TIAM1: variants seen among roughly 807,000 people sequenced by gnomAD.
TIAM1 encodes the protein rho guanine nucleotide exchange factor TIAM1.
TIAM1 carries 65 observed loss-of-function variants against 163.5 expected under a neutral mutation model. That is an observed-to-expected ratio of 0.40 (90% CI 0.33 to 0.49). The LOEUF (loss-of-function observed/expected upper bound fraction) is 0.49. Ranked by LOEUF, TIAM1 falls within the 20% of genes least tolerant of loss-of-function variation. The pLI, the probability that TIAM1 is intolerant of heterozygous loss-of-function variation, is 0.77. For missense variants in TIAM1, 1,789 were observed against 2,044.7 expected (o/e 0.87, Z 2.41); for synonymous variants, 833 against 810.1 (o/e 1.03, Z -0.48).
At chr21:31,434,335 C>T in intron 2 of TIAM1, among the ~76,000 whole-genome samples, 1 of 152,124 alleles carries the variant, frequency 6.6e-6, no homozygotes, top group East Asian at 1.9e-4. Context: ...AACAGATGAG[C>T]ATTACGATCT....
At chr21:31,427,462 G>A (rs565167886) in intron 2 of TIAM1, among the ~76,000 whole-genome samples, 47 of 151,938 alleles carry the variant, frequency 3.1e-4, no homozygotes, top group African/African-American at 1.1e-3. Context: ...ACTCCAGCCT[G>A]GGGGACAGAG....
At chr21:31,367,684 A>G (rs902914534) in intron 2 of TIAM1, among the ~76,000 whole-genome samples, 4 of 152,186 alleles carry the variant, frequency 2.6e-5, no homozygotes, top group African/African-American at 4.8e-5. Context: ...GTTTATCAGC[A>G]AAAGCAGCAA....
At chr21:31,488,043 G>T (rs79307251) in intron 1 of TIAM1, among the ~76,000 whole-genome samples, 2,584 of 152,172 alleles carry the variant, frequency 0.017, 66 homozygotes, top group African/African-American at 0.058. Flanking sequence ...TAGTCTATTT[G>T]TAACTCCTGA....
intron 2 of TIAM1, among the ~76,000 whole-genome samples, chr21:31,313,315 C>T (rs1458898176): frequency 1.3e-5 from 2 of 152,122 alleles, no homozygotes; most frequent in African/African-American, 2.4e-5. Context: ...AGGAGGAGTA[C>T]ACCAGGAAAA....
At chr21:31,447,128 C>G (rs2044654897) in intron 2 of TIAM1, among the ~76,000 whole-genome samples, 1 of 152,164 alleles carries the variant, frequency 6.6e-6, no homozygotes, top group Non-Finnish European at 1.5e-5. Flanking sequence ...GTGGCTCACA[C>G]CTGTAATCCC....
chr21:31,419,729 G>A (rs975145585), intron 2 of TIAM1, among the ~76,000 whole-genome samples: 8 of 152,140 alleles, frequency 5.3e-5, no homozygotes, highest in Admixed American at 3.3e-4. Flanking sequence ...ACAAAATGAT[G>A]AGCAAAAAGA....
rs954268496 is a variant in TIAM1 at position 31,511,296 on chromosome 21, G to A, written c.-421-47261C>T. On this transcript the variant is annotated intron_variant, in intron 1 of 28. Transcript: ENST00000286827. The stretch of plus-strand genomic sequence containing the variant: ...CTAAAGGTTCAGACCTCTTGAGGCC[G>A]CTTAGCCATACATAGAAAGCCTCCG... 6.6e-5 allele frequency among the ~76,000 whole-genome samples: 10 copies of A among 152,308 alleles called. No homozygotes were observed. In the East Asian group the frequency reaches 9.6e-4, roughly 15 times the overall value.
chr21:31,183,553 C>T (rs1332642350), intron 14 of TIAM1, among the ~76,000 whole-genome samples: 2 of 152,178 alleles, frequency 1.3e-5, no homozygotes, highest in Non-Finnish European at 2.9e-5. Flanking sequence ...AGATAAATTG[C>T]AGGAACGAGA....
intron 6 of TIAM1, among the ~76,000 whole-genome samples, chr21:31,229,904 C>T (rs1309495375): frequency 6.6e-6 from 1 of 152,160 alleles, no homozygotes; most frequent in Non-Finnish European, 1.5e-5. Flanking sequence ...CCACCCGCCT[C>T]GGCCTCCCAA....
intron 10 of TIAM1, chr21:31,213,099 CATA>C: frequency 3.2e-6 from 1 of 310,998 alleles, no homozygotes; most frequent in Non-Finnish European, 5.8e-6. Context: ...TTGGCAATGG[CATA>C]AAATATTCAG....
At chr21:31,202,150 C>G (rs1215363813) in intron 12 of TIAM1, among the ~76,000 whole-genome samples, 1 of 151,946 alleles carries the variant, frequency 6.6e-6, no homozygotes, top group Non-Finnish European at 1.5e-5. Flanking sequence ...TTTTTTCACC[C>G]AACAAGATTT....
intron 2 of TIAM1, among the ~76,000 whole-genome samples, chr21:31,447,280 T>G (rs1193940415): frequency 6.6e-6 from 1 of 152,114 alleles, no homozygotes; most frequent in Non-Finnish European, 1.5e-5. Context: ...AAAAAAATTT[T>G]TTTTTAATTA....
At chr21:31,212,418 C>T (rs1179802639) in intron 10 of TIAM1, among the ~76,000 whole-genome samples, 1 of 152,030 alleles carries the variant, frequency 6.6e-6, no homozygotes, top group Non-Finnish European at 1.5e-5. Context: ...AGACCATCCC[C>T]CATCCCCCAC....
At chr21:31,347,417 C>T (rs1456467858), upstream of TIAM1, among the ~76,000 whole-genome samples, 6 of 152,344 alleles carry the variant, frequency 3.9e-5, no homozygotes, top group African/African-American at 1.2e-4. Flanking sequence ...CCCCACAACA[C>T]TAGTAGACAA....
chr21:31,170,672 A>G (rs2084457767), intron 15 of TIAM1, among the ~76,000 whole-genome samples: 1 of 152,126 alleles, frequency 6.6e-6, no homozygotes, highest in African/African-American at 2.4e-5. Flanking sequence ...ATGTTCCTCA[A>G]CCTATGATGG....
At chr21:31,207,479 A>T (rs2146539868) in intron 11 of TIAM1, among the ~76,000 whole-genome samples, 1 of 152,256 alleles carries the variant, frequency 6.6e-6, no homozygotes, top group Admixed American at 6.5e-5. Flanking sequence ...TTTTACAATC[A>T]TGTTTGTTTT....
intron 7 of TIAM1, 132 bp downstream of exon 7, chr21:31,225,594 T>G (rs1241767405): frequency 2.8e-6 from 2 of 710,096 alleles, no homozygotes; most frequent in African/African-American, 1.8e-5. Context: ...GTAAAGAACT[T>G]AGCATCCTGG....
At chr21:31,318,474 C>T (rs1316703586) in intron 2 of TIAM1, among the ~76,000 whole-genome samples, 1 of 152,190 alleles carries the variant, frequency 6.6e-6, no homozygotes, top group African/African-American at 2.4e-5. Context: ...TGTCCCAAGA[C>T]ATTCCCACAG....
At chr21:31,200,457 G>A (rs910530633) in intron 12 of TIAM1, among the ~76,000 whole-genome samples, 1 of 152,152 alleles carries the variant, frequency 6.6e-6, no homozygotes, top group Non-Finnish European at 1.5e-5. Context: ...CTGTGACTCC[G>A]TCACGAATGG....
Sources: allele counts gnomAD v4.1 joint callset (sites outside exome capture counted in the v4.1 genomes callset), GRCh38; gene constraint gnomAD v4.1.1; transcripts MANE v1.5; gene names NCBI Gene and HGNC (gene_info 2026-07-23, HGNC 2026-07-21).